PRORP: variants seen among roughly 807,000 people sequenced by gnomAD.
PRORP encodes mitochondrial ribonuclease P catalytic subunit.
In PRORP, 51 loss-of-function variants were observed where a neutral mutation model predicts 59.4. The ratio of observed to expected loss-of-function variants is 0.86; its 90% CI spans 0.69 to 1.08. PRORP has a LOEUF of 1.08. PRORP is among the 50% of genes least tolerant of loss of function. The pLI is 0.00. For missense variants in PRORP, 646 were observed against 690.3 expected (o/e 0.94, Z 0.72); for synonymous variants, 231 against 245.6 (o/e 0.94, Z 0.55).
At chr14:35,241,463 T>C (rs2050367534) in intron 5 of PRORP, among the ~76,000 whole-genome samples, 1 of 152,230 alleles carries the variant, frequency 6.6e-6, no homozygotes, top group Non-Finnish European at 1.5e-5. Flanking sequence ...GGCTCTCATT[T>C]GTGGCTCACA....
At chr14:35,199,679 A>G (rs1164408425) in intron 5 of PRORP, among the ~76,000 whole-genome samples, 1 of 152,222 alleles carries the variant, frequency 6.6e-6, no homozygotes, top group Admixed American at 6.5e-5. Flanking sequence ...AGAACTCTGA[A>G]GAAACAAATT....
chr14:35,189,770 G>GA (rs1416729011), intron 5 of PRORP, among the ~76,000 whole-genome samples: 1 of 152,102 alleles, frequency 6.6e-6, no homozygotes, highest in Non-Finnish European at 1.5e-5. Context: ...TGTCAGAATA[G>GA]AAAATAGTAT....
chr14:35,186,058 G>A (rs1029240230), intron 5 of PRORP, among the ~76,000 whole-genome samples: 11 of 152,064 alleles, frequency 7.2e-5, no homozygotes, highest in African/African-American at 2.4e-4. Context: ...AAGTGGAACT[G>A]GGGACTATAA....
chr14:35,213,912 A>G (rs570288571), intron 5 of PRORP, among the ~76,000 whole-genome samples: 11 of 152,254 alleles, frequency 7.2e-5, no homozygotes, highest in Admixed American at 6.5e-4. Flanking sequence ...GAAAAATGGT[A>G]CTAATAGACT....
At chr14:35,152,302 A>G (rs529441438) in intron 4 of PRORP, among the ~76,000 whole-genome samples, 96 of 152,354 alleles carry the variant, frequency 6.3e-4, no homozygotes, top group African/African-American at 2.2e-3. Flanking sequence ...CTTAGTACAG[A>G]ACAAAATGAA....
intron 4 of PRORP, among the ~76,000 whole-genome samples, chr14:35,172,698 C>T (rs1407951915): frequency 2.0e-5 from 3 of 151,304 alleles, no homozygotes; most frequent in Non-Finnish European, 4.4e-5. Context: ...TACAGGTATG[C>T]ACTACCATGC....
At chr14:35,168,310 A>G (rs1471173404) in intron 4 of PRORP, among the ~76,000 whole-genome samples, 2 of 152,184 alleles carry the variant, frequency 1.3e-5, no homozygotes, top group African/African-American at 4.8e-5. Flanking sequence ...TAGTGGGTGT[A>G]TAATGATTTC....
At chr14:35,192,864 C>T (rs1015659859) in intron 5 of PRORP, among the ~76,000 whole-genome samples, 10 of 151,686 alleles carry the variant, frequency 6.6e-5, no homozygotes, top group Non-Finnish European at 1.2e-4. Flanking sequence ...CATGGTGGCG[C>T]GTGCCTGTAA....
chr14:35,142,504 C>G (rs1474945819), intron 4 of PRORP, among the ~76,000 whole-genome samples: 1 of 124,938 alleles, frequency 8.0e-6, no homozygotes, highest in Non-Finnish European at 1.8e-5. Flanking sequence ...GCATGCCACC[C>G]TGCCCTGCTA....
chr14:35,189,867 T>C (rs1444920829), intron 5 of PRORP, among the ~76,000 whole-genome samples: 5 of 152,068 alleles, frequency 3.3e-5, no homozygotes. Flanking sequence ...TTCCAGCACT[T>C]TGGGAGGCTG....
At chr14:35,207,821 G>A (rs999088402) in intron 5 of PRORP, among the ~76,000 whole-genome samples, 15 of 152,186 alleles carry the variant, frequency 9.9e-5, no homozygotes, top group African/African-American at 3.6e-4. Context: ...CTGAGCTCAA[G>A]TATGCAGGCA....
chr14:35,241,783 T>C (rs1341823107), intron 5 of PRORP, among the ~76,000 whole-genome samples: 1 of 152,196 alleles, frequency 6.6e-6, no homozygotes, highest in East Asian at 1.9e-4. Flanking sequence ...CTAAAATTCT[T>C]GTTATTCTCT....
Position 35,127,731 on chromosome 14 carries a change from A to G in PRORP, c.1167+120A>G, listed in dbSNP as rs2047133510. 5.5e-6 allele frequency: 5 copies of G among 916,266 alleles called. No individual in the cohort carries two copies. The South Asian group carries it at 6.2e-5, about 11-fold the overall frequency. 56.8% of individuals were successfully genotyped at this position (916,266 alleles called of 1,614,324 possible). A position where few individuals can be genotyped will look rare whatever the true frequency, so the allele number is the denominator to read the frequency against. On this transcript the variant is annotated intron_variant, in intron 4 of 7. Coordinates refer to ENST00000534898, the MANE Select transcript of PRORP (RefSeq NM_014672.4). ...TTGTAGGTCATCGGTCCCTGTTGCA[A>G]CTTTTCAACTCTGCTGTTGTAGTTA...
At chr14:35,271,903 A>G (rs1296282068) in intron 7 of PRORP, among the ~76,000 whole-genome samples, 3 of 152,072 alleles carry the variant, frequency 2.0e-5, no homozygotes, top group African/African-American at 7.2e-5. Flanking sequence ...GCGTGTGCCT[A>G]TAATCCCAGC....
intron 5 of PRORP, among the ~76,000 whole-genome samples, chr14:35,236,977 T>G (rs2050234035): frequency 6.6e-6 from 1 of 151,228 alleles, no homozygotes; most frequent in Non-Finnish European, 1.5e-5. Flanking sequence ...TTTCTTTCCT[T>G]TCTTCCTCCC....
intron 4 of PRORP, chr14:35,144,186 A>G: frequency 6.5e-6 from 1 of 152,912 alleles, no homozygotes; most frequent in Non-Finnish European, 1.4e-5. Flanking sequence ...GTTGGCTTTG[A>G]TAACCACAGT....
intron 5 of PRORP, among the ~76,000 whole-genome samples, chr14:35,195,706 A>C (rs1020791956): frequency 1.3e-5 from 2 of 152,086 alleles, no homozygotes; most frequent in African/African-American, 4.8e-5. Flanking sequence ...AAAACAAGCA[A>C]TTTTAGAAGT....
At chr14:35,210,707 G>T (rs997794755) in intron 5 of PRORP, among the ~76,000 whole-genome samples, 1 of 144,176 alleles carries the variant, frequency 6.9e-6, no homozygotes, top group African/African-American at 2.6e-5. Context: ...AGATATGCCT[G>T]CTGGGCTTCT....
chr14:35,131,496 T>C (rs1001917629), intron 4 of PRORP, among the ~76,000 whole-genome samples: 1 of 151,600 alleles, frequency 6.6e-6, no homozygotes, highest in African/African-American at 2.4e-5. Flanking sequence ...TTAGCTCCAT[T>C]GTATGTTATT....
Sources: allele counts gnomAD v4.1 joint callset (sites outside exome capture counted in the v4.1 genomes callset), GRCh38; gene constraint gnomAD v4.1.1; transcripts MANE v1.5; gene names NCBI Gene and HGNC (gene_info 2026-07-23, HGNC 2026-07-21).